The following PIP5KL1 variants were observed in gnomAD, a reference collection of about 807,000 sequenced individuals.
PIP5KL1 encodes phosphatidylinositol 4-phosphate 5-kinase-like protein 1.
PIP5KL1 carries 45 observed loss-of-function variants against 47.6 expected under a neutral mutation model. That is an observed-to-expected ratio of 0.94 (90% CI 0.74 to 1.21). PIP5KL1 has a LOEUF of 1.21. PIP5KL1 is among the 50% of genes most tolerant of loss of function. PIP5KL1 has a pLI of 0.00. For missense variants in PIP5KL1, 577 were observed against 547.6 expected, an observed-to-expected ratio of 1.05 and a Z score of -0.54; for synonymous variants, 256 against 234.6, an observed-to-expected ratio of 1.09 and a Z score of -0.84.
rs112224256 is a variant in PIP5KL1, at chr9:127,925,403, T to C, written c.764-143A>G. On this transcript the variant is annotated intron_variant, in intron 8 of 9. Coordinates refer to ENST00000388747, the MANE Select transcript of PIP5KL1 (RefSeq NM_001135219.2). Reference sequence around the variant, plus strand: ...CTCATCTGTAATTTGCCTTGGTCACTTAGCTAGGAAGTCATGGAGCCTGAA... The same window carrying C: ...CTCATCTGTAATTTGCCTTGGTCACCTAGCTAGGAAGTCATGGAGCCTGAA... 4.5e-3 allele frequency: 4,301 copies of C among 946,928 alleles called. 126 individuals carry two copies. In the African/African-American group the frequency reaches 0.064, roughly 14 times the overall value. The allele number at this position is 946,928 out of a possible 1,614,324, so 58.7% of individuals were successfully genotyped here.
In PIP5KL1 at chr9:127,928,414, G is replaced by T; in HGVS notation, c.279+19C>A. On this transcript the variant is annotated intron_variant, in intron 3 of 9. Transcript: ENST00000388747. ...AGACCAGCACACGTCCCTCCCACAC[G>T]GGAGTCTGGGCCTCCTACCTCGTGA... is the stretch of plus-strand genomic sequence containing the variant. 2 of 1,593,336 alleles carry T rather than the reference G, an allele frequency of 1.3e-6. No individual in the cohort carries two copies. The highest frequency in any genetic ancestry group is 4.5e-5 in the East Asian group (2 of 44,102).
Position 127,930,770 on chromosome 9 carries a change from C to T in PIP5KL1, c.-18G>A. 3 of 1,538,194 alleles carry T rather than the reference C, an allele frequency of 2.0e-6. No homozygotes were observed. The highest frequency in any genetic ancestry group is 2.6e-6 in the Non-Finnish European group (3 of 1,146,778). On this transcript the variant is annotated 5_prime_UTR_variant, in exon 1 of 10. Transcript: ENST00000388747. ...GCAGCCATCGCCCCCGCAGCAGCTTCCCGGGCTTTGGCCGCATTCCCCGCC... is the reference window on the plus strand; with the variant it reads ...GCAGCCATCGCCCCCGCAGCAGCTTTCCGGGCTTTGGCCGCATTCCCCGCC...
intron 9 of PIP5KL1, 137 bp downstream of exon 9, chr9:127,924,966 GCACA>G (rs143994650): frequency 1.8e-5 from 19 of 1,069,270 alleles, no homozygotes; most frequent in Middle Eastern, 2.1e-4. Flanking sequence ...GCGCGCACAC[GCACA>G]CACACACACA....
chr9:127,927,172 C>CG lies in PIP5KL1; in HGVS notation c.630dup (p.Ala211ArgfsTer9), dbSNP rs1327094218. 1.2e-6 allele frequency: 2 copies of CG among 1,611,450 alleles called. No individual in the cohort carries two copies. Among genetic ancestry groups the CG allele is most frequent in the Non-Finnish European group, 1.7e-6 (2 of 1,178,596 alleles). On this transcript the variant is annotated frameshift_variant, in exon 7 of 10. Coordinates refer to ENST00000388747, the MANE Select transcript of PIP5KL1 (RefSeq NM_001135219.2). LOFTEE classifies it high-confidence loss of function. The surrounding 1 kb of genome is among the most constrained non-coding windows in gnomAD (Gnocchi z 5.5). ...ACTCACCTCTCGGAGATGCGGCCGG[C>CG]GGGGTAGAAGACGCTCTGCATGACG...
At chr9:127,928,259 G>A (rs892165459) in intron 3 of PIP5KL1, 40 bp from the exon 4 acceptor site, 3 of 1,527,788 alleles carry the variant, frequency 2.0e-6, no homozygotes, top group African/African-American at 2.8e-5. Context: ...TGTCTGCGTG[G>A]GCCCGGGTGT....
chr9:127,925,902 T>C lies in PIP5KL1; in HGVS notation c.728A>G (p.Lys243Arg), dbSNP rs1588684253. The change falls in exon 8 of 10, where the codon AAG becomes AGG. Residue 243 changes from lysine to arginine, a missense_variant. By Grantham distance (26) the Lys-to-Arg change is conservative. Coordinates refer to ENST00000388747, the MANE Select transcript of PIP5KL1 (RefSeq NM_001135219.2). ...PEGSPLVLVL[K>R]DLNFQGKTIN... is the part of the protein sequence containing the mutation. ...GGTCTTGCCCTGAAAGTTGAGGTCC[T>C]TCAGCACCAGAACAAGGGGGCTGCC... The C allele has an allele frequency of 6.2e-7, 1 of 1,614,124 alleles. No individual in the cohort carries two copies. Among genetic ancestry groups the C allele is most frequent in the East Asian group, 2.2e-5 (1 of 44,892 alleles).
At chr9:127,924,255 C>T (rs191717234) in intron 9 of PIP5KL1, among the ~76,000 whole-genome samples, 3 of 151,754 alleles carry the variant, frequency 2.0e-5, no homozygotes, top group African/African-American at 7.3e-5. Flanking sequence ...TTTGGGAGGC[C>T]GAGGCGGGTG....
chr9:127,928,441 C>A lies in PIP5KL1; in HGVS notation c.271G>T (p.Val91Phe). ...GAGTCTGGGCCTCCTACCTCGTGAA[C>A]CTGGGTTAGGACCTCCGAGAAATCG... ...RDDFSEVLTQ[V>F]HEGFELGTLA... Residue 91 changes from valine to phenylalanine, a missense_variant, in exon 3 of 10, where the codon GTT becomes TTT. Transcript: ENST00000388747. 1 of 1,601,064 alleles carries A rather than the reference C, an allele frequency of 6.2e-7. No individual in the cohort carries two copies. Among genetic ancestry groups the A allele is most frequent in the South Asian group, 1.1e-5 (1 of 87,852 alleles).
intron 7 of PIP5KL1, among the ~76,000 whole-genome samples, chr9:127,926,410 TC>T (rs1564137791): frequency 2.0e-5 from 3 of 152,044 alleles, no homozygotes; most frequent in Admixed American, 2.0e-4. Context: ...GCACGTGCCA[TC>T]ACACCCAGCT....
intron 9 of PIP5KL1, among the ~76,000 whole-genome samples, chr9:127,922,581 C>A (rs995215410): frequency 6.0e-5 from 9 of 151,238 alleles, no homozygotes; most frequent in Non-Finnish European, 1.3e-4. Flanking sequence ...GTAATCCCAG[C>A]TGCTCAGGAG....
At chr9:127,925,353 T>C (rs1173959898) in intron 8 of PIP5KL1, 93 bp from the exon 9 acceptor site, 23 of 1,400,502 alleles carry the variant, frequency 1.6e-5, no homozygotes, top group Non-Finnish European at 1.9e-5. Context: ...GTGGCATTAC[T>C]GTCCCCATCT....
In PIP5KL1 at chr9:127,929,598, TC is replaced by T; in HGVS notation, c.228+89del. 7.8e-7 allele frequency: 1 copy of T among 1,285,878 alleles called. No homozygotes were observed. Among genetic ancestry groups the T allele is most frequent in the Non-Finnish European group, 1.1e-6 (1 of 944,340 alleles). The allele number at this position is 1,285,878 out of a possible 1,614,324, so 79.7% of individuals were successfully genotyped here. On this transcript the variant is annotated intron_variant, in intron 2 of 9. Transcript: ENST00000388747. This position sits in a 1 kb window ranked among gnomAD's most constrained non-coding sequence, Gnocchi z 4.0. ...TCCTCCCCTTGATATCCCTCTCTGA[TC>T]CCCACACCTGCAGTTTCAGCCAGAC...
At chr9:127,922,202 C>T in intron 9 of PIP5KL1, 88 bp from the exon 10 acceptor site, 1 of 1,402,466 alleles carries the variant, frequency 7.1e-7, no homozygotes, top group Non-Finnish European at 9.4e-7. Context: ...CTGCCCACCC[C>T]TCCACCAGCT....
chr9:127,928,513 A>C, intron 2 of PIP5KL1, 30 bp from the exon 3 acceptor site: 1 of 1,558,146 alleles, frequency 6.4e-7, no homozygotes, highest in Non-Finnish European at 8.7e-7. Flanking sequence ...AGCTCAGGGC[A>C]ACCCTCAGTC....
Position 127,927,809 on chromosome 9 carries a change from G to C in PIP5KL1, c.435-37C>G. 6.5e-7 allele frequency: 1 copy of C among 1,539,322 alleles called. No homozygotes were observed. Among genetic ancestry groups the C allele is most frequent in the Non-Finnish European group, 8.7e-7 (1 of 1,145,426 alleles). ...GAGAAAGAGGTCACTGCCCAGGCCT[G>C]GCTGGAGCGGCTCCCACCCGGCCCC... On this transcript the variant is annotated intron_variant, in intron 4 of 9. Coordinates refer to ENST00000388747, the MANE Select transcript of PIP5KL1 (RefSeq NM_001135219.2). The surrounding 1 kb of genome is among the most constrained non-coding windows in gnomAD (Gnocchi z 5.5).
At position 127,928,213 on chromosome 9, in the gene PIP5KL1, C is replaced by A; in HGVS notation, c.286G>T (p.Glu96Ter). ...EVLTQVHEGF[E>*]LGTLAGPAFA... ...GCGGGGCCGGCCAGCGTGCCCAGCT[C>A]GAAGCCCTGCAGGGGAGGAAGAGCC... The change falls in exon 4 of 10, where the codon GAG becomes TAG. Residue 96 changes from glutamate (E) to a stop codon, truncating the protein, a stop_gained. Coordinates refer to ENST00000388747, the MANE Select transcript of PIP5KL1 (RefSeq NM_001135219.2). LOFTEE classifies it high-confidence loss of function. 1 of 1,536,024 alleles carries A rather than the reference C, an allele frequency of 6.5e-7. No homozygotes were observed. The highest frequency in any genetic ancestry group is 8.8e-7 in the Non-Finnish European group (1 of 1,141,592).
Position 127,929,521 on chromosome 9 carries a change from C to T in PIP5KL1, c.228+167G>A, listed in dbSNP as rs781135234. Among the ~76,000 whole-genome samples the T allele has an allele frequency of 2.0e-5, 3 of 152,102 alleles. No homozygotes were observed. Among genetic ancestry groups the T allele is most frequent in the Non-Finnish European group, 4.4e-5 (3 of 68,016 alleles). On this transcript the variant is annotated intron_variant, in intron 2 of 9. Coordinates refer to ENST00000388747, the MANE Select transcript of PIP5KL1 (RefSeq NM_001135219.2). This position sits in a 1 kb window ranked among gnomAD's most constrained non-coding sequence, Gnocchi z 4.0. ...GTCAGGGGGTTCCTCACACCCCCAA[C>T]GCACCCCAGACGTTCCAGCTCCCAC...
chr9:127,926,260 GTTTC>G (rs1831362047), intron 7 of PIP5KL1, among the ~76,000 whole-genome samples: 1 of 95,802 alleles, frequency 1.0e-5, no homozygotes, highest in Non-Finnish European at 2.1e-5. Context: ...AGTCTCACCT[GTTTC>G]TTTCTTTTTT....
Position 127,927,709 on chromosome 9 carries a change from G to A in PIP5KL1, c.498C>T (p.His166=). The change falls in exon 5 of 10, where the codon CAC becomes CAT. Residue 166 remains histidine (H), a synonymous_variant. Transcript: ENST00000388747. The surrounding 1 kb of genome is among the most constrained non-coding windows in gnomAD (Gnocchi z 5.5). ...GCAGGTGCTGCACGTAGCGGGGCAGGTGGGCGAGCAGAGCCTGCACCTCTC... is the reference window on the plus strand; with the variant it reads ...GCAGGTGCTGCACGTAGCGGGGCAGATGGGCGAGCAGAGCCTGCACCTCTC... ...GRREVQALLA[H]LPRYVQHLQR... is the part of the protein sequence containing the mutation. 5.8e-6 allele frequency: 9 copies of A among 1,549,470 alleles called. No homozygotes were observed. Among genetic ancestry groups the A allele is most frequent in the South Asian group, 1.2e-5 (1 of 84,060 alleles).
Sources: allele counts gnomAD v4.1 joint callset (sites outside exome capture counted in the v4.1 genomes callset), GRCh38; gene constraint gnomAD v4.1.1; non-coding constraint Gnocchi (gnomAD v3.1); transcripts MANE v1.5; gene names NCBI Gene and HGNC (gene_info 2026-07-23, HGNC 2026-07-21).